The following LCORL variants were observed in gnomAD, a reference collection of about 807,000 sequenced individuals.
The protein encoded by LCORL is ligand dependent nuclear receptor corepressor like.
In LCORL, 41 loss-of-function variants were observed where a neutral mutation model predicts 141.8. The ratio of observed to expected loss-of-function variants is 0.29; its 90% CI spans 0.23 to 0.38. The LOEUF (loss-of-function observed/expected upper bound fraction) is 0.38, where lower values mean the gene tolerates loss of function less well. Among genes scored for constraint, LCORL ranks in the 10% least tolerant of loss-of-function variants. LCORL has a pLI of 1.00. For synonymous variants in LCORL, 618 were observed against 694.1 expected (o/e 0.89, Z 1.72); for missense variants, 1,759 against 2,035.0 (o/e 0.86, Z 2.61).
Position 18,001,632 on chromosome 4 carries a change from A to G in LCORL, c.154+19966T>C, listed in dbSNP as rs1197580397. ...TTCAGTATAAAGAAAGAAAGAATGG[A>G]AGACAGAGAAAGGCACAGATCTGGA... is the stretch of plus-strand genomic sequence containing the variant. On this transcript the variant is annotated intron_variant, in intron 1 of 7. Transcript: ENST00000635767. Among the ~76,000 whole-genome samples, 5 of 152,332 alleles carry G rather than the reference A, an allele frequency of 3.3e-5. No individual in the cohort carries two copies. The South Asian group carries it at 6.2e-4, about 19-fold the overall frequency.
At chr4:17,874,018 T>A (rs1726650246) in exon 7 of LCORL, 2 of 1,234,052 alleles carry the variant, frequency 1.6e-6, no homozygotes, top group South Asian at 4.1e-5. Flanking sequence ...ACACACTGAT[T>A]ATCTACTATG....
At chr4:17,977,062 G>A (rs1000207011) in intron 1 of LCORL, among the ~76,000 whole-genome samples, 2 of 152,022 alleles carry the variant, frequency 1.3e-5, no homozygotes, top group African/African-American at 2.4e-5. Context: ...CATGAGAATC[G>A]AATCTTACAG....
At chr4:17,910,972 T>C (rs1226780400) in intron 4 of LCORL, among the ~76,000 whole-genome samples, 1 of 152,224 alleles carries the variant, frequency 6.6e-6, no homozygotes, top group Non-Finnish European at 1.5e-5. Flanking sequence ...ACTATTCGTT[T>C]TGGGGCAGTG....
At chr4:17,968,139 T>G (rs1715272995) in intron 2 of LCORL, among the ~76,000 whole-genome samples, 1 of 152,104 alleles carries the variant, frequency 6.6e-6, no homozygotes, top group South Asian at 2.1e-4. Flanking sequence ...ATTATAGGTG[T>G]GAGGCACTGC....
intron 4 of LCORL, among the ~76,000 whole-genome samples, chr4:17,948,481 ATAAC>A (rs990954813): frequency 3.9e-5 from 6 of 152,076 alleles, no homozygotes; most frequent in African/African-American, 1.4e-4. Context: ...GTCAAAAGGA[ATAAC>A]TAAAATTTTC....
At chr4:17,894,480 T>G (rs1217561115) in intron 5 of LCORL, among the ~76,000 whole-genome samples, 1 of 152,336 alleles carries the variant, frequency 6.6e-6, no homozygotes, top group Admixed American at 6.5e-5. Context: ...TTAAAAGTAT[T>G]TATAATTGAT....
At position 17,847,726 on chromosome 4, in the gene LCORL, T is replaced by C. The variant is rs941979168; in HGVS notation, c.5603-1825A>G. ...TATTAAAATGTCCTCAGGGACCTCATTTTTGTTTTTCAAGTTAGCAAAACT... is the reference window on the plus strand; with the variant it reads ...TATTAAAATGTCCTCAGGGACCTCACTTTTGTTTTTCAAGTTAGCAAAACT... On this transcript the variant is annotated intron_variant, in intron 7 of 7. Coordinates refer to ENST00000635767, the Ensembl canonical transcript of LCORL. Among the ~76,000 whole-genome samples the C allele has an allele frequency of 2.0e-5, 3 of 152,350 alleles. No homozygotes were observed. In the East Asian group the frequency reaches 5.8e-4, roughly 29 times the overall value.
At chr4:17,929,125 T>C (rs1735605645) in intron 4 of LCORL, among the ~76,000 whole-genome samples, 1 of 152,068 alleles carries the variant, frequency 6.6e-6, no homozygotes, top group Non-Finnish European at 1.5e-5. Flanking sequence ...ACTGGAAACA[T>C]AATAAAGACT....
chr4:17,951,899 T>G, intron 4 of LCORL, among the ~76,000 whole-genome samples: 1 of 152,256 alleles, frequency 6.6e-6, no homozygotes, highest in Non-Finnish European at 1.5e-5. Flanking sequence ...AAAGTCACAA[T>G]TGGGGAAAAG....
intron 1 of LCORL, among the ~76,000 whole-genome samples, chr4:17,998,171 T>C (rs946397891): frequency 6.6e-6 from 1 of 152,168 alleles, no homozygotes; most frequent in Non-Finnish European, 1.5e-5. Context: ...TATACCTGTA[T>C]AGGGCACTTA....
chr4:17,960,731 T>C (rs941395409), intron 4 of LCORL, among the ~76,000 whole-genome samples: 1 of 152,138 alleles, frequency 6.6e-6, no homozygotes, highest in Non-Finnish European at 1.5e-5. Context: ...GCTGGGACTA[T>C]AGGTACGTGC....
intron 1 of LCORL, among the ~76,000 whole-genome samples, chr4:18,001,320 A>G (rs1478009855): frequency 1.3e-5 from 2 of 152,224 alleles, no homozygotes; most frequent in South Asian, 2.1e-4. Flanking sequence ...AGCTGCTATT[A>G]TTACCATACT....
chr4:17,937,315 A>C (rs928441408), intron 4 of LCORL, among the ~76,000 whole-genome samples: 2 of 152,188 alleles, frequency 1.3e-5, no homozygotes, highest in African/African-American at 2.4e-5. Context: ...ATATCAGACA[A>C]CTGGGGAAAA....
At chr4:17,883,015 G>T (rs1236370369) in intron 6 of LCORL, 3 of 974,060 alleles carry the variant, frequency 3.1e-6, no homozygotes, top group African/African-American at 1.8e-5. Flanking sequence ...TAGCTGCTGG[G>T]GTTAACTATG....
exon 8 of LCORL, chr4:17,842,473 A>C: frequency 1.6e-5 from 15 of 952,140 alleles, no homozygotes; most frequent in Non-Finnish European, 2.5e-5. Flanking sequence ...ATGAGAGAGA[A>C]TATATAACAA....
chr4:17,900,453 T>C (rs1730695178), intron 5 of LCORL, among the ~76,000 whole-genome samples: 1 of 152,182 alleles, frequency 6.6e-6, no homozygotes, highest in Non-Finnish European at 1.5e-5. Flanking sequence ...GGACTTCCTC[T>C]CATTATTCAA....
chr4:18,021,457 C>A lies in LCORL; in HGVS notation c.154+141G>T, dbSNP rs1176242894. ...GACAAAAGGCGAGCGCCGGGGCCGC[C>A]GCGCCGCGCCGCTCCCATCTCGCTC... On this transcript the variant is annotated intron_variant, in intron 1 of 7. Transcript: ENST00000635767. The surrounding 1 kb of genome is among the most constrained non-coding windows in gnomAD (Gnocchi z 5.5). 4.5e-6 allele frequency: 3 copies of A among 670,950 alleles called. No individual in the cohort carries two copies. Among genetic ancestry groups the A allele is most frequent in the Non-Finnish European group, 4.6e-6 (2 of 438,410 alleles). The allele number at this position is 670,950 out of a possible 1,614,324, so 41.6% of individuals were successfully genotyped here.
intron 1 of LCORL, among the ~76,000 whole-genome samples, chr4:18,007,826 T>C (rs1379198010): frequency 2.6e-5 from 4 of 152,108 alleles, no homozygotes; most frequent in African/African-American, 9.7e-5. Context: ...GAGTGAAAAG[T>C]TAGACAAGCA....
chr4:17,941,313 T>C (rs1358876749), intron 4 of LCORL, among the ~76,000 whole-genome samples: 1 of 152,114 alleles, frequency 6.6e-6, no homozygotes, highest in Non-Finnish European at 1.5e-5. Context: ...TATATGCATA[T>C]ATACTATATA....
Sources: allele counts gnomAD v4.1 joint callset (sites outside exome capture counted in the v4.1 genomes callset), GRCh38; gene constraint gnomAD v4.1.1; non-coding constraint Gnocchi (gnomAD v3.1); transcripts MANE v1.5; gene names NCBI Gene and HGNC (gene_info 2026-07-23, HGNC 2026-07-21).